Variants in LRP1B observed in about 807,000 individuals in gnomAD.
LRP1B encodes LDL receptor related protein 1B, also known as low-density lipoprotein receptor-related protein 1B.
Under a neutral mutation model 556.6 loss-of-function variants are expected in LRP1B, and 217 were observed. The ratio of observed to expected loss-of-function variants is 0.39; its 90% CI spans 0.35 to 0.44. LRP1B has a LOEUF of 0.44. LRP1B is among the 20% of genes least tolerant of loss of function. The pLI, the probability that LRP1B is intolerant of heterozygous loss-of-function variation, is 1.00. For synonymous variants in LRP1B, 2,047 were observed against 1,865.8 expected, an observed-to-expected ratio of 1.10 and a Z score of -2.50; for missense variants, 5,053 against 5,620.8, an observed-to-expected ratio of 0.90 and a Z score of 3.23.
At chr2:141,747,609 G>A (rs921342565) in intron 2 of LRP1B, among the ~76,000 whole-genome samples, 1 of 152,130 alleles carries the variant, frequency 6.6e-6, no homozygotes, top group Non-Finnish European at 1.5e-5. Flanking sequence ...TGTACTGGGT[G>A]ACAGAGCGAG....
chr2:140,245,699 C>T (rs1294493592), intron 87 of LRP1B, among the ~76,000 whole-genome samples: 2 of 151,358 alleles, frequency 1.3e-5, no homozygotes. Flanking sequence ...TTAGTTTGAG[C>T]CCTAAATCTT....
At chr2:140,325,721 T>TA in intron 80 of LRP1B, 41 bp downstream of exon 80, 1 of 1,312,984 alleles carries the variant, frequency 7.6e-7, no homozygotes, top group South Asian at 1.2e-5. Context: ...TTTAACACTC[T>TA]CAGTAACAAT....
At position 141,795,032 on chromosome 2, in the gene LRP1B, T is replaced by C. The variant is rs1410505169; in HGVS notation, c.205+15247A>G. Among the ~76,000 whole-genome samples the C allele has an allele frequency of 2.0e-5, 3 of 152,116 alleles. No homozygotes were observed. The East Asian group carries it at 5.8e-4, about 29-fold the overall frequency. On this transcript the variant is annotated intron_variant, in intron 2 of 90. Coordinates refer to ENST00000389484, the MANE Select transcript of LRP1B (RefSeq NM_018557.3). Reference sequence around the variant, plus strand: ...ATTGAAAATGAGACCTTGAGTTAAATGTAAATTGTATTAATTGATTTTCAA... The same window carrying C: ...ATTGAAAATGAGACCTTGAGTTAAACGTAAATTGTATTAATTGATTTTCAA...
chr2:140,409,670 T>C (rs747229340), intron 66 of LRP1B, among the ~76,000 whole-genome samples: 4 of 151,864 alleles, frequency 2.6e-5, no homozygotes, highest in Non-Finnish European at 5.9e-5. Context: ...TATGCCAGAT[T>C]CATGTAATCT....
intron 59 of LRP1B, among the ~76,000 whole-genome samples, chr2:140,479,431 A>C (rs1688128918): frequency 6.6e-6 from 1 of 152,214 alleles, no homozygotes; most frequent in Non-Finnish European, 1.5e-5. Flanking sequence ...GTAAAATTTC[A>C]GCCCCAAATA....
chr2:140,546,302 G>A (rs1482258778), intron 43 of LRP1B, among the ~76,000 whole-genome samples: 2 of 151,934 alleles, frequency 1.3e-5, no homozygotes, highest in Admixed American at 6.6e-5. Context: ...CTCTGCCCAG[G>A]ACTTCCAATA....
At chr2:141,433,746 C>T (rs1041724273) in intron 3 of LRP1B, among the ~76,000 whole-genome samples, 5 of 151,764 alleles carry the variant, frequency 3.3e-5, no homozygotes, top group African/African-American at 1.2e-4. Flanking sequence ...GCGTGGTTCT[C>T]TTTGCATTTT....
intron 2 of LRP1B, among the ~76,000 whole-genome samples, chr2:141,603,808 A>T (rs1379617013): frequency 6.6e-6 from 1 of 152,162 alleles, no homozygotes; most frequent in Non-Finnish European, 1.5e-5. Context: ...CATCTAGAGG[A>T]GCAATCATAT....
rs544303164 is a variant in LRP1B, at chr2:141,047,913, C to T, written c.1789+1073G>A. 5.9e-5 allele frequency among the ~76,000 whole-genome samples: 9 copies of T among 152,130 alleles called. No individual in the cohort carries two copies. The South Asian group carries it at 1.2e-3, about 21-fold the overall frequency. On this transcript the variant is annotated intron_variant, in intron 11 of 90. Coordinates refer to ENST00000389484, the MANE Select transcript of LRP1B (RefSeq NM_018557.3). ...CTGCCGAAGGAGTTATCTGAGTATA[C>T]CCACATAAAGATATCTCTTGCTTCC...
At chr2:140,706,524 T>C (rs776854066) in intron 37 of LRP1B, among the ~76,000 whole-genome samples, 1 of 152,182 alleles carries the variant, frequency 6.6e-6, no homozygotes, top group African/African-American at 2.4e-5. Context: ...CATTTAAAAG[T>C]GGCTTTCAGA....
At chr2:140,775,907 A>G (rs1342620620) in intron 33 of LRP1B, among the ~76,000 whole-genome samples, 191 bp downstream of exon 33, 1 of 152,146 alleles carries the variant, frequency 6.6e-6, no homozygotes, top group East Asian at 1.9e-4. Flanking sequence ...CAGGTTTGCT[A>G]ATGCTTTCAA....
At chr2:142,101,366 A>C (rs1706562361) in intron 1 of LRP1B, among the ~76,000 whole-genome samples, 1 of 152,024 alleles carries the variant, frequency 6.6e-6, no homozygotes, top group African/African-American at 2.4e-5. Flanking sequence ...AGCTGGCCAC[A>C]CTCACACTTA....
Position 140,541,094 on chromosome 2 carries a change from T to C in LRP1B, c.7392A>G (p.Glu2464=), listed in dbSNP as rs1680117504. The change falls in exon 45 of 91, where the codon GAA becomes GAG. Residue 2464 remains glutamate (E), a synonymous_variant. Coordinates refer to ENST00000389484, the MANE Select transcript of LRP1B (RefSeq NM_018557.3). ...IAVANDTNSC[E]LSPCALLNGG... is the part of the protein sequence containing the mutation. Reference sequence around the variant, plus strand: ...CATTCAATAATGCACATGGAGAAAGTTCACCTACAATAAAGAGGGTGTATT... The same window carrying C: ...CATTCAATAATGCACATGGAGAAAGCTCACCTACAATAAAGAGGGTGTATT... The C allele has an allele frequency of 1.9e-6, 3 of 1,608,172 alleles. No individual in the cohort carries two copies. Among genetic ancestry groups the C allele is most frequent in the Non-Finnish European group, 2.6e-6 (3 of 1,175,980 alleles).
chr2:141,843,104 A>G (rs1697533018), intron 1 of LRP1B, among the ~76,000 whole-genome samples: 2 of 152,138 alleles, frequency 1.3e-5, no homozygotes, highest in African/African-American at 4.8e-5. Flanking sequence ...AAATCTCTTG[A>G]AAAAGCTCCT....
At chr2:141,986,298 G>T (rs926521729) in intron 1 of LRP1B, among the ~76,000 whole-genome samples, 8 of 151,856 alleles carry the variant, frequency 5.3e-5, no homozygotes, top group Admixed American at 3.9e-4. Flanking sequence ...TAAAAAAGTA[G>T]ATATTGGTTT....
intron 1 of LRP1B, among the ~76,000 whole-genome samples, chr2:141,898,389 T>C (rs776039330): frequency 1.2e-4 from 18 of 152,154 alleles, no homozygotes; most frequent in Non-Finnish European, 2.2e-4. Context: ...CCGTGGTCTT[T>C]AGATTGGCTT....
chr2:141,549,331 C>A (rs960937026), intron 2 of LRP1B, among the ~76,000 whole-genome samples: 2 of 151,970 alleles, frequency 1.3e-5, no homozygotes, highest in African/African-American at 4.8e-5. Flanking sequence ...CAAAGTGAGC[C>A]CTCACTGTTA....
intron 2 of LRP1B, among the ~76,000 whole-genome samples, chr2:141,712,568 T>C (rs1692402111): frequency 6.6e-6 from 1 of 152,196 alleles, no homozygotes; most frequent in Non-Finnish European, 1.5e-5. Context: ...TATCTCATTG[T>C]GATATAATAT....
chr2:140,291,937 G>A (rs916221714), intron 84 of LRP1B, among the ~76,000 whole-genome samples: 13 of 152,156 alleles, frequency 8.5e-5, no homozygotes, highest in Admixed American at 8.5e-4. Context: ...CAGTGTAAAA[G>A]TGTTCCTATT....
Sources: allele counts gnomAD v4.1 joint callset (sites outside exome capture counted in the v4.1 genomes callset), GRCh38; gene constraint gnomAD v4.1.1; transcripts MANE v1.5; gene names NCBI Gene and HGNC (gene_info 2026-07-23, HGNC 2026-07-21).